Variants in PIGR observed in about 807,000 individuals in gnomAD.
PIGR encodes hepatocellular carcinoma associated protein TB6.
PIGR carries 22 observed loss-of-function variants against 69.5 expected under a neutral mutation model. The ratio of observed to expected loss-of-function variants is 0.32; its 90% CI spans 0.23 to 0.45. The LOEUF is 0.45. Among genes scored for constraint, PIGR ranks in the 20% least tolerant of loss-of-function variants. The pLI is 1.00. For missense variants in PIGR, 885 were observed against 974.0 expected (o/e 0.91, Z 1.22); for synonymous variants, 413 against 407.6 (o/e 1.01, Z -0.16).
intron 2 of PIGR, 58 bp from the exon 3 acceptor site, chr1:206,939,521 G>C (rs145890204): frequency 6.1e-4 from 759 of 1,251,264 alleles, no homozygotes; most frequent in Non-Finnish European, 6.8e-4. Context: ...GCCTGTTCCA[G>C]ATAACCCACT....
chr1:206,941,812 G>A (rs1679992416), intron 1 of PIGR, among the ~76,000 whole-genome samples: 1 of 152,224 alleles, frequency 6.6e-6, no homozygotes, highest in African/African-American at 2.4e-5. Context: ...GGAGACAGAA[G>A]TCTCCACTTT....
Position 206,930,256 on chromosome 1 carries a change from C to T in PIGR, c.*62G>A. 6.8e-7 allele frequency: 1 copy of T among 1,460,754 alleles called. No homozygotes were observed. Among genetic ancestry groups the T allele is most frequent in the Non-Finnish European group, 9.3e-7 (1 of 1,074,056 alleles). 90.5% of individuals were successfully genotyped at this position (1,460,754 alleles called of 1,614,324 possible). A position where few individuals can be genotyped will look rare whatever the true frequency, so the allele number is the denominator to read the frequency against. On this transcript the variant is annotated 3_prime_UTR_variant, in exon 11 of 11. Coordinates refer to ENST00000356495, the MANE Select transcript of PIGR (RefSeq NM_002644.4). The surrounding 1 kb of genome is among the most constrained non-coding windows in gnomAD (Gnocchi z 4.3). Reference sequence around the variant, plus strand: ...GTGGGGTCCCCAGGAGCTGAGGGCCCCAGGATCGACATGATTCTGAAGGTG... The same window carrying T: ...GTGGGGTCCCCAGGAGCTGAGGGCCTCAGGATCGACATGATTCTGAAGGTG...
chr1:206,935,376 A>T lies in PIGR; in HGVS notation c.1378+110T>A, dbSNP rs1026331592. ...CTCTGGATAGGTGGGCTCCCTCCTG[A>T]GGTCTGGCCCATCAGGGTGGAGGCG... On this transcript the variant is annotated intron_variant, in intron 5 of 10. Coordinates refer to ENST00000356495, the MANE Select transcript of PIGR (RefSeq NM_002644.4). This position sits in a 1 kb window ranked among gnomAD's most constrained non-coding sequence, Gnocchi z 4.4. 1.8e-5 allele frequency: 16 copies of T among 886,566 alleles called. No individual in the cohort carries two copies. Among genetic ancestry groups the T allele is most frequent in the African/African-American group, 1.7e-4 (10 of 60,342 alleles). 54.9% of individuals were successfully genotyped at this position (886,566 alleles called of 1,614,324 possible). A position where few individuals can be genotyped will look rare whatever the true frequency, so the allele number is the denominator to read the frequency against.
In PIGR at chr1:206,933,033, A is replaced by T; in HGVS notation, c.1839T>A (p.Asp613Glu). Residue 613 changes from aspartate (D) to glutamate (E), a missense_variant, in exon 7 of 11, where the codon GAT (aspartate) becomes GAA (glutamate). Asp to Glu is a conservative substitution (Grantham distance 45, BLOSUM62 2). Transcript: ENST00000356495. Reference sequence around the variant, plus strand: ...TGCTCCCATCGGCTTGATCTCTTGTATCTGCCACCGCCTTTTCCTCTGCAA... The same window carrying T: ...TGCTCCCATCGGCTTGATCTCTTGTTTCTGCCACCGCCTTTTCCTCTGCAA... Reference protein sequence around the residue: ...RLFAEEKAVADTRDQADGSRA... With the variant: ...RLFAEEKAVAETRDQADGSRA... 2 of 1,614,126 alleles carry T rather than the reference A, an allele frequency of 1.2e-6. No individual in the cohort carries two copies. The highest frequency in any genetic ancestry group is 1.7e-6 in the Non-Finnish European group (2 of 1,180,024).
At position 206,935,373 on chromosome 1, in the gene PIGR, C is replaced by T. The variant is rs2102599270; in HGVS notation, c.1378+113G>A. 1 of 877,028 alleles carries T rather than the reference C, an allele frequency of 1.1e-6. No homozygotes were observed. Among genetic ancestry groups the T allele is most frequent in the Middle Eastern group, 3.0e-4 (1 of 3,312 alleles). The allele number at this position is 877,028 out of a possible 1,614,324, so 54.3% of individuals were successfully genotyped here. On this transcript the variant is annotated intron_variant, in intron 5 of 10. Coordinates refer to ENST00000356495, the MANE Select transcript of PIGR (RefSeq NM_002644.4). The surrounding 1 kb of genome is among the most constrained non-coding windows in gnomAD (Gnocchi z 4.4). ...GACCTCTGGATAGGTGGGCTCCCTC[C>T]TGAGGTCTGGCCCATCAGGGTGGAG...
At chr1:206,945,913 T>C (rs1680097925) in intron 1 of PIGR, among the ~76,000 whole-genome samples, 1 of 152,226 alleles carries the variant, frequency 6.6e-6, no homozygotes, top group Non-Finnish European at 1.5e-5. Flanking sequence ...GAACCCACAT[T>C]GACCCTGAAT....
chr1:206,930,740 G>A lies in PIGR; in HGVS notation c.2200-327C>T, dbSNP rs1679723382. The A allele has an allele frequency of 2.0e-6, 2 of 985,404 alleles. No homozygotes were observed. Among genetic ancestry groups the A allele is most frequent in the Non-Finnish European group, 2.4e-6 (2 of 829,922 alleles). The allele number at this position is 985,404 out of a possible 1,614,324, so 61.0% of individuals were successfully genotyped here. A position where few individuals can be genotyped will look rare whatever the true frequency, so the allele number is the denominator to read the frequency against. ...GGTGGCCTAGGCTGGGGTCAACCACGGTGGTGTATGTTTTTCTTTCTCCAC... is the reference window on the plus strand; with the variant it reads ...GGTGGCCTAGGCTGGGGTCAACCACAGTGGTGTATGTTTTTCTTTCTCCAC... On this transcript the variant is annotated intron_variant, in intron 10 of 10. Transcript: ENST00000356495. The surrounding 1 kb of genome is among the most constrained non-coding windows in gnomAD (Gnocchi z 4.3).
chr1:206,945,751 T>G (rs1680093241), intron 1 of PIGR, among the ~76,000 whole-genome samples: 1 of 152,238 alleles, frequency 6.6e-6, no homozygotes, highest in Non-Finnish European at 1.5e-5. Context: ...GGAAGAGGAC[T>G]TGCTAGGTGC....
rs1223290727 is a variant in PIGR at position 206,930,631 on chromosome 1, A to G, written c.2200-218T>C. On this transcript the variant is annotated intron_variant, in intron 10 of 10. Coordinates refer to ENST00000356495, the MANE Select transcript of PIGR (RefSeq NM_002644.4). The surrounding 1 kb of genome is among the most constrained non-coding windows in gnomAD (Gnocchi z 4.3). ...CTCTAAAAATATCTTCTTCTGTCTC[A>G]CTACCTCCTTCTGACACACGGAGTG... The G allele has an allele frequency of 1.0e-6, 1 of 985,372 alleles. No homozygotes were observed. The highest frequency in any genetic ancestry group is 1.7e-5 in the African/African-American group (1 of 57,328). 61.0% of individuals were successfully genotyped at this position (985,372 alleles called of 1,614,324 possible).
At chr1:206,934,846 CAT>C (rs71570050) in intron 5 of PIGR, 100 bp from the exon 6 acceptor site, 296,357 of 614,482 alleles carry the variant, frequency 0.48, 80,097 homozygotes, top group African/African-American at 0.86. Context: ...ATGTCATATA[CAT>C]ATATATATAT....
intron 1 of PIGR, among the ~76,000 whole-genome samples, chr1:206,945,773 C>T (rs374970435): frequency 5.3e-5 from 8 of 152,286 alleles, no homozygotes; most frequent in Non-Finnish European, 7.4e-5. Context: ...ATACTTTATG[C>T]GCACTATCTA....
chr1:206,930,087 C>A lies in PIGR; in HGVS notation c.*231G>T. The stretch of plus-strand genomic sequence containing the variant: ...TTCTCCGTACCTGAGGTTCTCTCAA[C>A]AGAAAGAAGTTGCAAGTGGGACCTC... On this transcript the variant is annotated 3_prime_UTR_variant, in exon 11 of 11. Transcript: ENST00000356495. The surrounding 1 kb of genome is among the most constrained non-coding windows in gnomAD (Gnocchi z 4.3). 1 of 436,092 alleles carries A rather than the reference C, an allele frequency of 2.3e-6. No homozygotes were observed. Among genetic ancestry groups the A allele is most frequent in the South Asian group, 5.7e-5 (1 of 17,564 alleles). The allele number at this position is 436,092 out of a possible 1,614,324, so 27.0% of individuals were successfully genotyped here.
At chr1:206,932,954 C>A (rs755830794) in intron 7 of PIGR, 32 bp downstream of exon 7, 28 of 1,609,434 alleles carry the variant, frequency 1.7e-5, no homozygotes, top group Non-Finnish European at 2.3e-5. Flanking sequence ...CTGGGGTGTT[C>A]TCCGAGTGGG....
rs532318237 is a variant in PIGR, at chr1:206,935,783, C to T, written c.1081G>A (p.Gly361Arg). 3.1e-6 allele frequency: 5 copies of T among 1,610,596 alleles called. No homozygotes were observed. Among genetic ancestry groups the T allele is most frequent in the Admixed American group, 3.3e-5 (2 of 59,902 alleles). Residue 361 changes from glycine to arginine, a missense_variant, in exon 5 of 11, where the codon GGG becomes AGG. Transcript: ENST00000356495. This position sits in a 1 kb window ranked among gnomAD's most constrained non-coding sequence, Gnocchi z 4.4. ...ACGGCCACAGAGCCTCCTGCCACCC[C>T]CTTCACCACAGTGGGGCTGCGGGGA... The part of the protein sequence containing the change: ...TIPRSPTVVK[G>R]VAGGSVAVLC...
chr1:206,932,323 A>T lies in PIGR; in HGVS notation c.2008+133T>A, dbSNP rs953376519. 1.2e-5 allele frequency: 13 copies of T among 1,102,286 alleles called. No homozygotes were observed. In the African/African-American group the frequency reaches 2.0e-4, roughly 17 times the overall value. The allele number at this position is 1,102,286 out of a possible 1,614,324, so 68.3% of individuals were successfully genotyped here. A position where few individuals can be genotyped will look rare whatever the true frequency, so the allele number is the denominator to read the frequency against. Reference sequence around the variant, plus strand: ...AGTATGTGTGGGTTTATCTTTCCCCATCCTGCTTTCTCGGGATCCTTTGTT... The same window carrying T: ...AGTATGTGTGGGTTTATCTTTCCCCTTCCTGCTTTCTCGGGATCCTTTGTT... On this transcript the variant is annotated intron_variant, in intron 8 of 10. Coordinates refer to ENST00000356495, the MANE Select transcript of PIGR (RefSeq NM_002644.4).
rs561941752 is a variant in PIGR, at chr1:206,938,005, G to A, written c.389-254C>T. 2.0e-5 allele frequency among the ~76,000 whole-genome samples: 3 copies of A among 152,256 alleles called. No homozygotes were observed. In the East Asian group the frequency reaches 5.8e-4, roughly 29 times the overall value. ...CTGCATCACTTATTACATCCAATCT[G>A]GTGTATGGGTAATTATGTTCTCCAT... On this transcript the variant is annotated intron_variant, in intron 3 of 10. Transcript: ENST00000356495.
chr1:206,931,813 G>A lies in PIGR; in HGVS notation c.2009-11C>T, dbSNP rs373326321. 28 of 1,613,914 alleles carry A rather than the reference G, an allele frequency of 1.7e-5. No individual in the cohort carries two copies. The highest frequency in any genetic ancestry group is 2.4e-5 in the Non-Finnish European group (28 of 1,180,016). ...TGATTGAAACTCGGTCTGTCCGGGA[G>A]GAAGAGGAGTTGGTGTAAGGACAGG... On this transcript the variant is annotated splice_polypyrimidine_tract_variant and intron_variant, in intron 8 of 10. Coordinates refer to ENST00000356495, the MANE Select transcript of PIGR (RefSeq NM_002644.4).
rs1301974235 is a variant in PIGR at position 206,939,072 on chromosome 1, A to G, written c.388+47T>C. On this transcript the variant is annotated intron_variant, in intron 3 of 10. Transcript: ENST00000356495. ...TCAAGCCCTCCATGCACCTTAGAGA[A>G]TTCCCTCTAACTTTCCCCCAGAAGC... The G allele has an allele frequency of 2.8e-6, 4 of 1,453,742 alleles. No homozygotes were observed. The Admixed American group carries it at 7.2e-5, about 26-fold the overall frequency. 90.1% of individuals were successfully genotyped at this position (1,453,742 alleles called of 1,614,324 possible). A position where few individuals can be genotyped will look rare whatever the true frequency, so the allele number is the denominator to read the frequency against.
At chr1:206,932,613 G>C in intron 7 of PIGR, 36 bp from the exon 8 acceptor site, 2 of 1,577,956 alleles carry the variant, frequency 1.3e-6, no homozygotes, top group Non-Finnish European at 1.7e-6. Context: ...TCCCTGGAAG[G>C]GAGATCTGGG....
Sources: allele counts gnomAD v4.1 joint callset (sites outside exome capture counted in the v4.1 genomes callset), GRCh38; gene constraint gnomAD v4.1.1; non-coding constraint Gnocchi (gnomAD v3.1); transcripts MANE v1.5; gene names NCBI Gene and HGNC (gene_info 2026-07-23, HGNC 2026-07-21).